CAST: variants seen among roughly 807,000 people sequenced by gnomAD.
CAST encodes MIR583 host.
Under a neutral mutation model 119.6 loss-of-function variants are expected in CAST, and 76 were observed. The ratio of observed to expected loss-of-function variants is 0.64; its 90% CI spans 0.53 to 0.77. The LOEUF (loss-of-function observed/expected upper bound fraction) is 0.77. CAST is among the 30% of genes least tolerant of loss of function. The pLI is 0.00. For synonymous variants in CAST, 319 were observed against 331.6 expected (o/e 0.96, Z 0.41); for missense variants, 953 against 946.5 (o/e 1.01, Z -0.09).
the CAST span, among the ~76,000 whole-genome samples, chr5:96,246,275 G>C: frequency 0.76 from 111,743 of 147,870 alleles, 42,212 homozygotes; most frequent in East Asian, 0.84. Flanking sequence ...CTCCGCCTCC[G>C]GGGTTCAGGC....
the CAST span, among the ~76,000 whole-genome samples, chr5:96,279,169 A>T: frequency 6.6e-6 from 1 of 152,174 alleles, no homozygotes; most frequent in Non-Finnish European, 1.5e-5. Context: ...GAATGGAAGA[A>T]ATCACACACT....
At chr5:96,320,382 C>T in the CAST span, among the ~76,000 whole-genome samples, 6 of 151,774 alleles carry the variant, frequency 4.0e-5, no homozygotes, top group South Asian at 2.1e-4. Flanking sequence ...GGATTATAGG[C>T]GCCTGCCACC....
intron 1 of CAST, among the ~76,000 whole-genome samples, chr5:96,549,767 T>C (rs1414321353): frequency 6.6e-6 from 1 of 152,236 alleles, no homozygotes; most frequent in African/African-American, 2.4e-5. Flanking sequence ...GCAGGTCCCA[T>C]ACCCATGGAG....
upstream of CAST, chr5:96,662,335 C>A (rs2150212635): frequency 6.1e-6 from 6 of 982,230 alleles, no homozygotes; most frequent in Non-Finnish European, 8.1e-6. Flanking sequence ...CTCCCTCCCT[C>A]CCTCTCTCCC....
chr5:96,376,234 A>G, the CAST span, among the ~76,000 whole-genome samples: 2 of 151,896 alleles, frequency 1.3e-5, no homozygotes, highest in Non-Finnish European at 2.9e-5. Context: ...TTGTATAACA[A>G]TGTTGTAGCC....
chr5:96,032,354 G>GT, the CAST span, among the ~76,000 whole-genome samples: 42 of 152,148 alleles, frequency 2.8e-4, no homozygotes, highest in Middle Eastern at 3.4e-3. Context: ...TGAGGCAATG[G>GT]TAAAAAAAAG....
chr5:96,040,822 C>A, the CAST span, among the ~76,000 whole-genome samples: 1 of 152,066 alleles, frequency 6.6e-6, no homozygotes, highest in Non-Finnish European at 1.5e-5. Context: ...GGATATTGGC[C>A]TAAAATTCTC....
the CAST span, among the ~76,000 whole-genome samples, chr5:96,109,350 T>G: frequency 1.3e-5 from 2 of 152,232 alleles, no homozygotes; most frequent in African/African-American, 4.8e-5. Context: ...TAATAAAGAA[T>G]AAATGTAATC....
the CAST span, among the ~76,000 whole-genome samples, chr5:95,966,824 G>T: frequency 6.6e-6 from 1 of 152,128 alleles, no homozygotes; most frequent in Non-Finnish European, 1.5e-5. Context: ...TCTCTAGAAA[G>T]TTGTATGTCC....
chr5:96,760,036 A>G (rs1485686437), intron 24 of CAST, among the ~76,000 whole-genome samples: 1 of 152,064 alleles, frequency 6.6e-6, no homozygotes, highest in Non-Finnish European at 1.5e-5. Flanking sequence ...CTGTCCTTCT[A>G]CTGAAGGTTT....
chr5:96,733,757 ATC>A (rs1332615014), intron 9 of CAST, among the ~76,000 whole-genome samples: 10 of 152,164 alleles, frequency 6.6e-5, no homozygotes, highest in Non-Finnish European at 8.8e-5. Flanking sequence ...CAGGCCTGTA[ATC>A]CCAGCTACTC....
chr5:96,460,799 T>G, the CAST span, among the ~76,000 whole-genome samples: 1 of 152,188 alleles, frequency 6.6e-6, no homozygotes, highest in African/African-American at 2.4e-5. Context: ...GTGAACATAT[T>G]AAACATAGTC....
chr5:96,743,510 G>T, intron 16 of CAST: 1 of 1,411,072 alleles, frequency 7.1e-7, no homozygotes, highest in Non-Finnish European at 9.4e-7. Context: ...GTGCTGGCAG[G>T]CATTGCTGTC....
the CAST span, among the ~76,000 whole-genome samples, chr5:96,446,704 A>C: frequency 3.9e-5 from 6 of 152,228 alleles, no homozygotes; most frequent in Non-Finnish European, 8.8e-5. Flanking sequence ...CAAGAAGCCC[A>C]GCCCAAAGGA....
chr5:96,421,876 T>G, the CAST span: 1 of 1,440,356 alleles, frequency 6.9e-7, no homozygotes, highest in Non-Finnish European at 9.8e-7. Context: ...GCATATTTAC[T>G]CACTTGTTCT....
At chr5:96,445,157 C>T in the CAST span, among the ~76,000 whole-genome samples, 1 of 152,192 alleles carries the variant, frequency 6.6e-6, no homozygotes, top group Non-Finnish European at 1.5e-5. Flanking sequence ...CAGTGTGAAG[C>T]CTCCACACTT....
At chr5:96,205,933 A>G in the CAST span, among the ~76,000 whole-genome samples, 1 of 152,006 alleles carries the variant, frequency 6.6e-6, no homozygotes, top group East Asian at 1.9e-4. Context: ...CTAATTTACA[A>G]CAGTGTGTAA....
At chr5:96,112,818 T>G in the CAST span, among the ~76,000 whole-genome samples, 1 of 152,204 alleles carries the variant, frequency 6.6e-6, no homozygotes, top group East Asian at 1.9e-4. Flanking sequence ...GACAACATAG[T>G]ACAATGTAGA....
the CAST span, among the ~76,000 whole-genome samples, chr5:96,356,725 A>C: frequency 6.6e-6 from 1 of 151,958 alleles, no homozygotes; most frequent in Non-Finnish European, 1.5e-5. Context: ...TGCTGTTTTT[A>C]TTACTGTAGC....
Sources: allele counts gnomAD v4.1 joint callset (sites outside exome capture counted in the v4.1 genomes callset), GRCh38; gene constraint gnomAD v4.1.1; transcripts MANE v1.5; gene names NCBI Gene and HGNC (gene_info 2026-07-23, HGNC 2026-07-21).